The following ZNF385D variants were observed in gnomAD, a reference collection of about 807,000 sequenced individuals.
The protein encoded by ZNF385D is zinc finger protein 385D, also known as zinc finger protein 659.
ZNF385D carries 15 observed loss-of-function variants against 35.8 expected under a neutral mutation model. The ratio of observed to expected loss-of-function variants is 0.42; its 90% CI spans 0.28 to 0.64. The LOEUF is 0.64. Ranked by LOEUF, ZNF385D falls within the 30% of genes least tolerant of loss-of-function variation. ZNF385D has a pLI of 0.23. For missense variants in ZNF385D, 474 were observed against 494.6 expected (o/e 0.96, Z 0.39); for synonymous variants, 212 against 186.8 (o/e 1.13, Z -1.10).
chr3:22,353,719 CT>C (rs1696021162), intron 2 of ZNF385D, among the ~76,000 whole-genome samples: 1 of 152,110 alleles, frequency 6.6e-6, no homozygotes, highest in Non-Finnish European at 1.5e-5. Context: ...TTCTACAGTC[CT>C]GTTCCTTCAC....
chr3:21,860,358 A>G (rs9843481), intron 3 of ZNF385D, among the ~76,000 whole-genome samples: 3,127 of 152,236 alleles, frequency 0.021, 119 homozygotes, highest in African/African-American at 0.07. Flanking sequence ...AGCAGTCAAA[A>G]AGATTTGGTC....
intron 2 of ZNF385D, among the ~76,000 whole-genome samples, chr3:21,601,779 C>T (rs2064298074): frequency 6.6e-6 from 1 of 152,058 alleles, no homozygotes; most frequent in Non-Finnish European, 1.5e-5. Flanking sequence ...AGCAGTCCCG[C>T]CCCCTGGAAG....
chr3:22,009,562 G>T (rs1018871347), intron 3 of ZNF385D, among the ~76,000 whole-genome samples: 4 of 150,838 alleles, frequency 2.7e-5, no homozygotes, highest in African/African-American at 9.8e-5. Flanking sequence ...GGCAGAGCTT[G>T]CAGTGAGGCG....
intron 3 of ZNF385D, among the ~76,000 whole-genome samples, chr3:21,838,053 G>C (rs1190822628): frequency 1.3e-5 from 2 of 152,022 alleles, no homozygotes; most frequent in African/African-American, 4.8e-5. Flanking sequence ...AAAGCATTTA[G>C]ATCTTCATAA....
chr3:22,033,229 C>G (rs908845129), intron 3 of ZNF385D, among the ~76,000 whole-genome samples: 2 of 151,804 alleles, frequency 1.3e-5, no homozygotes, highest in African/African-American at 2.4e-5. Flanking sequence ...TGGTGGAACC[C>G]TGTCTCTACT....
In ZNF385D at chr3:22,099,988, A is replaced by G. The variant is rs554489094; in HGVS notation, c.325+68829T>C. On this transcript the variant is annotated intron_variant, in intron 3 of 5. Transcript: ENST00000494108. ...AATGAACTCAAACAAATTTACAAGA[A>G]AAAAACAAACAACCCCATCAAAAAG... Among the ~76,000 whole-genome samples, 4 of 152,232 alleles carry G rather than the reference A, an allele frequency of 2.6e-5. No homozygotes were observed. In the South Asian group the frequency reaches 8.3e-4, roughly 32 times the overall value.
At chr3:22,282,089 A>G (rs1032149030) in intron 2 of ZNF385D, among the ~76,000 whole-genome samples, 2 of 151,966 alleles carry the variant, frequency 1.3e-5, no homozygotes, top group Admixed American at 1.3e-4. Flanking sequence ...TATCAGTTGT[A>G]ATATATCCCG....
intron 2 of ZNF385D, among the ~76,000 whole-genome samples, chr3:22,182,654 T>G (rs140521945): frequency 1.5e-3 from 231 of 152,204 alleles, no homozygotes; most frequent in African/African-American, 5.4e-3. Flanking sequence ...GTATTCATTT[T>G]TCACTATGGT....
At chr3:21,969,987 T>G (rs547043842) in intron 3 of ZNF385D, among the ~76,000 whole-genome samples, 6 of 152,270 alleles carry the variant, frequency 3.9e-5, no homozygotes, top group African/African-American at 1.4e-4. Flanking sequence ...CTGCAAGAGT[T>G]ACTGTGTTAT....
chr3:22,072,044 C>A (rs1295515984), intron 3 of ZNF385D, among the ~76,000 whole-genome samples: 1 of 152,002 alleles, frequency 6.6e-6, no homozygotes, highest in Non-Finnish European at 1.5e-5. Context: ...ACCTGTAATA[C>A]CCACCATGTA....
intron 3 of ZNF385D, among the ~76,000 whole-genome samples, chr3:22,001,871 A>G (rs1327900263): frequency 6.6e-6 from 1 of 152,106 alleles, no homozygotes; most frequent in African/African-American, 2.4e-5. Context: ...AGAAATTTTT[A>G]AAAATTGAAA....
intron 3 of ZNF385D, among the ~76,000 whole-genome samples, chr3:21,839,351 C>T (rs1489189150): frequency 6.6e-6 from 1 of 152,076 alleles, no homozygotes; most frequent in Non-Finnish European, 1.5e-5. Flanking sequence ...TTTGACTTCA[C>T]AGTCCAAAAG....
intron 3 of ZNF385D, among the ~76,000 whole-genome samples, chr3:21,765,585 T>G (rs749974958): frequency 2.8e-4 from 42 of 151,686 alleles, no homozygotes; most frequent in Non-Finnish European, 5.9e-4. Context: ...CCGGAGCCAG[T>G]AGGTAGTAGA....
chr3:21,873,193 T>G (rs1399412284), intron 3 of ZNF385D, among the ~76,000 whole-genome samples: 2 of 152,102 alleles, frequency 1.3e-5, no homozygotes, highest in African/African-American at 4.8e-5. Context: ...TATATGAACA[T>G]AGATATATAA....
exon 2 of ZNF385D, chr3:22,372,588 C>T (rs1389557177): frequency 1.0e-6 from 1 of 959,006 alleles, no homozygotes; most frequent in African/African-American, 1.8e-5. Context: ...CTGGCTGTCC[C>T]GGGAGACGCA....
At chr3:21,482,245 A>C (rs187356441) in intron 4 of ZNF385D, among the ~76,000 whole-genome samples, 1 of 151,886 alleles carries the variant, frequency 6.6e-6, no homozygotes, top group East Asian at 1.9e-4. Flanking sequence ...CAATTCTCTA[A>C]ATCAGGAGTC....
chr3:21,561,936 CA>C (rs2062962722), intron 3 of ZNF385D: 1 of 152,112 alleles, frequency 6.6e-6, no homozygotes. Context: ...TGTTTCAGGC[CA>C]CTGAGTTTGT....
At chr3:21,813,879 CA>C (rs2073039388) in intron 3 of ZNF385D, among the ~76,000 whole-genome samples, 1 of 152,078 alleles carries the variant, frequency 6.6e-6, no homozygotes, top group Non-Finnish European at 1.5e-5. Context: ...TCGAGAAGAG[CA>C]ACTCCAAGAC....
At chr3:21,875,377 T>C (rs1697912098) in intron 3 of ZNF385D, among the ~76,000 whole-genome samples, 1 of 152,066 alleles carries the variant, frequency 6.6e-6, no homozygotes, top group Non-Finnish European at 1.5e-5. Flanking sequence ...CTTTCATTGT[T>C]TTTCTGGCAC....
Sources: gnomAD v4.1 joint callset for allele counts (sites outside exome capture counted in the v4.1 genomes callset) on GRCh38, gnomAD v4.1.1 for gene constraint, MANE v1.5 for transcripts, NCBI Gene and HGNC (gene_info 2026-07-23, HGNC 2026-07-21) for gene names.